SAMSN1: variants seen among roughly 807,000 people sequenced by gnomAD.
The protein encoded by SAMSN1 is SAM domain-containing protein SAMSN-1.
A neutral mutation model predicts 42.0 loss-of-function variants in SAMSN1; 31 were observed. That is an observed-to-expected ratio of 0.74 (90% confidence interval 0.55 to 1.00). The LOEUF (loss-of-function observed/expected upper bound fraction) is 1.00, where lower values mean the gene tolerates loss of function less well. Among genes scored for constraint, SAMSN1 ranks in the 50% least tolerant of loss-of-function variants. The probability of loss-of-function intolerance (pLI) is 0.00; values close to 1 mark genes in which losing one functional copy is unlikely to be tolerated. For missense variants in SAMSN1, 464 were observed against 439.4 expected (o/e 1.06, Z -0.50); for synonymous variants, 178 against 151.9 (o/e 1.17, Z -1.26).
rs1365453373 is a variant in SAMSN1, at chr21:14,486,133, G to A, written c.920-19C>T. The stretch of plus-strand genomic sequence containing the variant: ...TGAATAACTGTAAATGGAAAAAAAG[G>A]GCAGGAGTTAGGTAAAGCAACACAA... On this transcript the variant is annotated intron_variant, in intron 7 of 7. Coordinates refer to ENST00000400566, the MANE Select transcript of SAMSN1 (RefSeq NM_022136.5). The A allele has an allele frequency of 6.3e-7, 1 of 1,582,370 alleles. No homozygotes were observed. The highest frequency in any genetic ancestry group is 8.7e-7 in the Non-Finnish European group (1 of 1,153,228).
In SAMSN1 at chr21:14,506,416, C is replaced by T. The variant is rs1416551523; in HGVS notation, c.561+3894G>A. 2.6e-5 allele frequency among the ~76,000 whole-genome samples: 4 copies of T among 152,002 alleles called. No individual in the cohort carries two copies. In the East Asian group the frequency reaches 7.7e-4, roughly 29 times the overall value. ...GATCATTCAAGGCCACTACGAACAC[C>T]TTTGCATGCATAAACTAGAAAACCT... On this transcript the variant is annotated intron_variant, in intron 5 of 7. Transcript: ENST00000400566.
At chr21:14,587,278 T>C (rs191018162), upstream of SAMSN1, among the ~76,000 whole-genome samples, 7 of 152,354 alleles carry the variant, frequency 4.6e-5, no homozygotes, top group Admixed American at 1.3e-4. Context: ...TATTAACTTC[T>C]CATCCTTTTA....
chr21:14,626,440 AC>A (rs1568835922), intron 2 of SAMSN1, among the ~76,000 whole-genome samples: 1 of 152,208 alleles, frequency 6.6e-6, no homozygotes, highest in Non-Finnish European at 1.5e-5. Context: ...CAAGAAAGAA[AC>A]AAACAACCCC....
At chr21:14,511,112 C>T (rs1987672187) in intron 4 of SAMSN1, among the ~76,000 whole-genome samples, 1 of 152,160 alleles carries the variant, frequency 6.6e-6, no homozygotes, top group Admixed American at 6.5e-5. Flanking sequence ...ACTCAGTCAC[C>T]ACTTCACATC....
intron 2 of SAMSN1, among the ~76,000 whole-genome samples, chr21:14,565,568 T>C (rs1410139675): frequency 2.6e-5 from 4 of 152,132 alleles, no homozygotes; most frequent in African/African-American, 4.8e-5. Flanking sequence ...TTGGCCTCCA[T>C]CTATATACCA....
In SAMSN1 at chr21:14,510,540, G is replaced by T. The variant is rs1184767211; in HGVS notation, c.410-79C>A. On this transcript the variant is annotated intron_variant, in intron 4 of 7. Coordinates refer to ENST00000400566, the MANE Select transcript of SAMSN1 (RefSeq NM_022136.5). ...CATCATCTGGACACAACTAAGTATT[G>T]ATAATGCTGGAACACTGGATGCCAG... The T allele has an allele frequency of 4.0e-6, 6 of 1,498,030 alleles. No individual in the cohort carries two copies. The Admixed American group carries it at 1.0e-4, about 25-fold the overall frequency. The allele number at this position is 1,498,030 out of a possible 1,614,324, so 92.8% of individuals were successfully genotyped here.
chr21:14,634,886 C>T (rs972503361), intron 2 of SAMSN1, among the ~76,000 whole-genome samples: 1 of 152,094 alleles, frequency 6.6e-6, no homozygotes, highest in African/African-American at 2.4e-5. Flanking sequence ...TGGACACTTA[C>T]GTTTATTACA....
chr21:14,551,333 AC>A (rs1980589263), intron 2 of SAMSN1, among the ~76,000 whole-genome samples: 1 of 152,104 alleles, frequency 6.6e-6, no homozygotes, highest in African/African-American at 2.4e-5. Context: ...TGAATGGTGA[AC>A]CTAAAGAATC....
chr21:14,582,298 T>C, exon 2 of SAMSN1: 1 of 1,550,774 alleles, frequency 6.4e-7, no homozygotes, highest in Non-Finnish European at 8.7e-7. Flanking sequence ...ACATGTAAGC[T>C]TCACCTTCAT....
chr21:14,514,204 T>C (rs1271204643), intron 3 of SAMSN1, among the ~76,000 whole-genome samples: 1 of 152,218 alleles, frequency 6.6e-6, no homozygotes, highest in Non-Finnish European at 1.5e-5. Context: ...TCTCTCTACC[T>C]GATTCTTCTT....
chr21:14,508,620 AG>A (rs374653267), intron 5 of SAMSN1, among the ~76,000 whole-genome samples: 155 of 152,368 alleles, frequency 1.0e-3, no homozygotes, highest in Non-Finnish European at 1.7e-3. Flanking sequence ...AGTGTAAACT[AG>A]TACAACCACT....
intron 2 of SAMSN1, among the ~76,000 whole-genome samples, chr21:14,631,591 T>C (rs1189768001): frequency 2.0e-5 from 3 of 152,142 alleles, no homozygotes; most frequent in Non-Finnish European, 4.4e-5. Context: ...GGTCTCAAAC[T>C]CCTGACTTCG....
chr21:14,555,070 G>T (rs1204044549), intron 2 of SAMSN1, among the ~76,000 whole-genome samples: 1 of 152,130 alleles, frequency 6.6e-6, no homozygotes, highest in Non-Finnish European at 1.5e-5. Context: ...ATTCAGGTCT[G>T]CAGATACTAA....
chr21:14,562,963 CTT>C (rs991128822), intron 2 of SAMSN1, among the ~76,000 whole-genome samples: 4 of 152,150 alleles, frequency 2.6e-5, no homozygotes, highest in Non-Finnish European at 5.9e-5. Context: ...TCTATGTACT[CTT>C]TAGCTGTTTC....
At position 14,575,581 on chromosome 21, in the gene SAMSN1, C is replaced by T. The variant is rs552176179; in HGVS notation, c.261+6555G>A. On this transcript the variant is annotated intron_variant, in intron 2 of 8. Coordinates refer to the SAMSN1 transcript ENST00000285670. ...AGCTGTTCCAACAACTGATTTTTGA[C>T]GTTGGAGATGAAACACAAGGATGTT... Among the ~76,000 whole-genome samples the T allele has an allele frequency of 2.0e-5, 3 of 152,220 alleles. No individual in the cohort carries two copies. The East Asian group carries it at 5.8e-4, about 29-fold the overall frequency.
chr21:14,538,161 G>T (rs1326009092), intron 1 of SAMSN1, among the ~76,000 whole-genome samples: 6 of 152,166 alleles, frequency 3.9e-5, no homozygotes, highest in Non-Finnish European at 8.8e-5. Flanking sequence ...GTAATAACTA[G>T]AAGTTAAAAT....
At chr21:14,560,115 G>T (rs990377861) in intron 2 of SAMSN1, among the ~76,000 whole-genome samples, 1 of 152,172 alleles carries the variant, frequency 6.6e-6, no homozygotes, top group African/African-American at 2.4e-5. Flanking sequence ...AATCTGAGGT[G>T]TAATAAGCAG....
At chr21:14,621,206 C>T (rs905963900) in intron 2 of SAMSN1, among the ~76,000 whole-genome samples, 1 of 152,198 alleles carries the variant, frequency 6.6e-6, no homozygotes, top group African/African-American at 2.4e-5. Flanking sequence ...ATAGGAACAG[C>T]TCCAGTCTAC....
At chr21:14,521,111 G>A (rs761656304) in intron 2 of SAMSN1, 39 bp downstream of exon 2, 3 of 1,244,032 alleles carry the variant, frequency 2.4e-6, no homozygotes, top group Non-Finnish European at 3.5e-6. Context: ...TTCATAATGT[G>A]TTTGCATAAC....
Sources: allele counts gnomAD v4.1 joint callset (sites outside exome capture counted in the v4.1 genomes callset), GRCh38; gene constraint gnomAD v4.1.1; transcripts MANE v1.5; gene names NCBI Gene and HGNC (gene_info 2026-07-23, HGNC 2026-07-21).